PARD3B: variants seen among roughly 807,000 people sequenced by gnomAD.
PARD3B encodes par-3 family cell polarity regulator beta, also known as partitioning defective 3 homolog B.
A neutral mutation model predicts 130.2 loss-of-function variants in PARD3B; 103 were observed. The observed-to-expected ratio is 0.79, with a 90% CI of 0.67 to 0.93. The LOEUF is 0.93. Ranked by LOEUF, PARD3B falls within the 40% of genes least tolerant of loss-of-function variation. The pLI, the probability that PARD3B is intolerant of heterozygous loss-of-function variation, is 0.00. For missense variants in PARD3B, 1,609 were observed against 1,499.2 expected (o/e 1.07, Z -1.21); for synonymous variants, 583 against 553.2 (o/e 1.05, Z -0.76).
intron 18 of PARD3B, among the ~76,000 whole-genome samples, chr2:205,327,595 C>G (rs1207436): frequency 0.88 from 133,847 of 152,194 alleles, 59,044 homozygotes; most frequent in Admixed American, 0.92. Context: ...GGTAGGATTT[C>G]ACCCCAGCAG....
At chr2:205,519,324 A>G (rs1173055208) in intron 21 of PARD3B, among the ~76,000 whole-genome samples, 1 of 152,216 alleles carries the variant, frequency 6.6e-6, no homozygotes, top group African/African-American at 2.4e-5. Flanking sequence ...TTCAAGAATC[A>G]GTCTTCAAGC....
intron 18 of PARD3B, among the ~76,000 whole-genome samples, chr2:205,354,366 G>A (rs2044110299): frequency 6.6e-6 from 1 of 151,922 alleles, no homozygotes; most frequent in African/African-American, 2.4e-5. Flanking sequence ...AGAAGGAAGA[G>A]GTTTTTTGGG....
chr2:205,282,859 G>C (rs181812870), intron 16 of PARD3B, among the ~76,000 whole-genome samples: 1 of 152,280 alleles, frequency 6.6e-6, no homozygotes, highest in Admixed American at 6.5e-5. Context: ...GGGTGTTATA[G>C]TAAAAGTTCC....
chr2:205,529,736 A>G (rs1436537470), intron 21 of PARD3B, among the ~76,000 whole-genome samples: 2 of 152,100 alleles, frequency 1.3e-5, no homozygotes, highest in Non-Finnish European at 2.9e-5. Flanking sequence ...TCTGCTGGTT[A>G]TTTTCCCTTT....
In PARD3B at chr2:204,854,440, G is replaced by A. The variant is rs112238423; in HGVS notation, c.223-110712G>A. ...TTTGGAATAAGAGGGGGTAAGAGAA[G>A]CAAGGCAGTATGGATAATCTGTTGA... On this transcript the variant is annotated intron_variant, in intron 2 of 22. Coordinates refer to ENST00000406610, the MANE Select transcript of PARD3B (RefSeq NM_001302769.2). Among the ~76,000 whole-genome samples the A allele has an allele frequency of 8.2e-3, 1,248 of 152,244 alleles. 12 individuals are homozygous for A. The highest frequency in any genetic ancestry group is 0.041 in the Middle Eastern group (12 of 294).
rs921082337 is a variant in PARD3B, at chr2:205,590,147, G to A, written c.3261-25309G>A. Among the ~76,000 whole-genome samples, 1 of 152,114 alleles carries A rather than the reference G, an allele frequency of 6.6e-6. No homozygotes were observed. Among genetic ancestry groups the A allele is most frequent in the Non-Finnish European group, 1.5e-5 (1 of 68,028 alleles). ...TATTGTTCTCTCTACATATTATTCC[G>A]ATGCTTTATTTATCCAATACAGGAA... is the stretch of plus-strand genomic sequence containing the variant. On this transcript the variant is annotated intron_variant, in intron 22 of 22. Transcript: ENST00000406610. This position sits in a 1 kb window ranked among gnomAD's most constrained non-coding sequence, Gnocchi z 4.1.
chr2:204,861,162 T>TCTCTCTCTCTC (rs2045171094), intron 2 of PARD3B, among the ~76,000 whole-genome samples: 1 of 91,312 alleles, frequency 1.1e-5, no homozygotes, highest in Non-Finnish European at 2.4e-5. Context: ...CCTAATACCT[T>TCTCTCTCTCTC]TCTCTCTCTC....
Position 205,433,752 on chromosome 2 carries a change from A to G in PARD3B, c.2742-6618A>G, listed in dbSNP as rs148110878. ...TTACAAATGGAATTATATAGTATAT[A>G]GTAAATCCTTTTTTCTGTCCAACTT... On this transcript the variant is annotated intron_variant, in intron 19 of 22. Transcript: ENST00000406610. 2.8e-3 allele frequency among the ~76,000 whole-genome samples: 425 copies of G among 152,262 alleles called. 2 individuals carry two copies. The highest frequency in any genetic ancestry group is 9.8e-3 in the African/African-American group (407 of 41,564).
At chr2:205,307,617 A>G (rs940347598) in intron 18 of PARD3B, among the ~76,000 whole-genome samples, 1 of 152,136 alleles carries the variant, frequency 6.6e-6, no homozygotes. Context: ...GTCCTAGGCC[A>G]CCTTCCTGGG....
chr2:205,580,447 A>G (rs1266576121), intron 22 of PARD3B, among the ~76,000 whole-genome samples: 2 of 152,150 alleles, frequency 1.3e-5, no homozygotes, highest in African/African-American at 2.4e-5. Flanking sequence ...TGACACTGTT[A>G]CAGGAGGGCA....
At chr2:204,761,386 A>C (rs892393736) in intron 2 of PARD3B, among the ~76,000 whole-genome samples, 4 of 152,206 alleles carry the variant, frequency 2.6e-5, no homozygotes, top group African/African-American at 9.6e-5. Context: ...AGTCACCAAG[A>C]TAGTCTCCTA....
At chr2:205,076,093 T>G (rs1463915966) in intron 4 of PARD3B, among the ~76,000 whole-genome samples, 1 of 152,222 alleles carries the variant, frequency 6.6e-6, no homozygotes, top group Admixed American at 6.5e-5. Flanking sequence ...TTTACCTAAC[T>G]TCATGATGCA....
chr2:205,615,584 C>T lies in PARD3B; in HGVS notation c.3389C>T (p.Thr1130Ile), dbSNP rs1299901696. The T allele has an allele frequency of 2.5e-6, 4 of 1,614,016 alleles. No individual in the cohort carries two copies. In the East Asian group the frequency reaches 8.9e-5, roughly 36 times the overall value. ...HPPKGSYPRPTELRVADLRYP... is the reference protein window; with the variant it reads ...HPPKGSYPRPIELRVADLRYP... ...CCCAAAGGGAGCTATCCCCGCCCCA[C>T]AGAGCTCAGGGTGGCAGATCTCCGG... The change falls in exon 23 of 23, where the codon ACA becomes ATA. Residue 1130 changes from threonine (T) to isoleucine (I), a missense_variant. Thr to Ile is a moderately conservative substitution (Grantham distance 89). Coordinates refer to ENST00000406610, the MANE Select transcript of PARD3B (RefSeq NM_001302769.2).
At chr2:205,596,009 T>C (rs2054557930) in intron 22 of PARD3B, among the ~76,000 whole-genome samples, 1 of 152,168 alleles carries the variant, frequency 6.6e-6, no homozygotes, top group Non-Finnish European at 1.5e-5. Context: ...CTTGATGTGC[T>C]AGCTGCTCCA....
chr2:204,666,258 C>T (rs544062910), intron 1 of PARD3B, among the ~76,000 whole-genome samples: 98 of 151,912 alleles, frequency 6.5e-4, no homozygotes, highest in African/African-American at 1.4e-3. Context: ...ATGGTGGGTG[C>T]GATGGAATAA....
At chr2:204,622,871 A>G (rs894198758) in intron 1 of PARD3B, among the ~76,000 whole-genome samples, 1 of 152,196 alleles carries the variant, frequency 6.6e-6, no homozygotes, top group South Asian at 2.1e-4. Flanking sequence ...TCTTTAATGT[A>G]TAATGAGTTG....
At chr2:204,998,416 G>GTGTGTGTA (rs1190329751) in intron 3 of PARD3B, among the ~76,000 whole-genome samples, 177 of 25,152 alleles carry the variant, frequency 7.0e-3, no homozygotes, top group East Asian at 0.061. Context: ...GTATATATAT[G>GTGTGTGTA]TATATATGTG....
chr2:204,756,109 C>T (rs2040659827), intron 2 of PARD3B, among the ~76,000 whole-genome samples: 1 of 152,064 alleles, frequency 6.6e-6, no homozygotes, highest in African/African-American at 2.4e-5. Flanking sequence ...GAATTGCAGT[C>T]ATTGAGTTTC....
chr2:204,644,713 A>G (rs948988727), intron 1 of PARD3B, among the ~76,000 whole-genome samples: 1 of 152,138 alleles, frequency 6.6e-6, no homozygotes, highest in Non-Finnish European at 1.5e-5. Context: ...TTTTTTCCTT[A>G]AGAATATGCC....
Sources: allele counts gnomAD v4.1 joint callset (sites outside exome capture counted in the v4.1 genomes callset), GRCh38; gene constraint gnomAD v4.1.1; non-coding constraint Gnocchi (gnomAD v3.1); transcripts MANE v1.5; gene names NCBI Gene and HGNC (gene_info 2026-07-23, HGNC 2026-07-21).